SLC13A2: variants seen among roughly 807,000 people sequenced by gnomAD.
The protein encoded by SLC13A2 is Na(+)-coupled citrate transporter.
A neutral mutation model predicts 58.5 loss-of-function variants in SLC13A2; 40 were observed. The observed-to-expected ratio is 0.68, with a 90% CI of 0.53 to 0.89. The LOEUF (loss-of-function observed/expected upper bound fraction) is 0.89. SLC13A2 is among the 40% of genes least tolerant of loss of function. The pLI, the probability that SLC13A2 is intolerant of heterozygous loss-of-function variation, is 0.00. For synonymous variants in SLC13A2, 341 were observed against 331.6 expected (o/e 1.03, Z -0.31); for missense variants, 694 against 772.6 (o/e 0.90, Z 1.21).
intron 1 of SLC13A2, among the ~76,000 whole-genome samples, chr17:28,475,097 T>C (rs782805671): frequency 6.6e-6 from 1 of 152,204 alleles, no homozygotes; most frequent in Non-Finnish European, 1.5e-5. Flanking sequence ...TCCGACAGGC[T>C]GGGGCAAGTG....
chr17:28,477,707 A>T (rs1408004701), intron 1 of SLC13A2, among the ~76,000 whole-genome samples: 1 of 152,230 alleles, frequency 6.6e-6, no homozygotes, highest in Non-Finnish European at 1.5e-5. Flanking sequence ...TGTGCTTGAC[A>T]TTATGCCATG....
At chr17:28,478,235 G>A (rs944994125) in intron 1 of SLC13A2, among the ~76,000 whole-genome samples, 12 of 152,176 alleles carry the variant, frequency 7.9e-5, no homozygotes, top group African/African-American at 2.4e-4. Context: ...CTGGGAGGCC[G>A]GTGGTGCCCC....
In SLC13A2 at chr17:28,495,707, TGCCA is replaced by T. The variant is rs2069127059; in HGVS notation, c.1364_1367del (p.Pro455LeufsTer32). ...AACAAGCTGACCCCACTGCAGAGTG[TGCCA>T]GCTCCAGCCATTGCCATCATCCTCT... On this transcript the variant is annotated frameshift_variant, in exon 10 of 12. Transcript: ENST00000314669. LOFTEE classifies it high-confidence loss of function. 6.2e-7 allele frequency: 1 copy of T among 1,612,434 alleles called. No homozygotes were observed. Among genetic ancestry groups the T allele is most frequent in the African/African-American group, 1.3e-5 (1 of 74,914 alleles).
chr17:28,491,916 G>T (rs920506711), intron 6 of SLC13A2, 64 bp downstream of exon 6: 2 of 1,564,210 alleles, frequency 1.3e-6, no homozygotes, highest in Non-Finnish European at 1.7e-6. Flanking sequence ...GCTTCCAGTT[G>T]GGTGCAGATG....
At chr17:28,476,428 A>G (rs2068672173) in intron 1 of SLC13A2, among the ~76,000 whole-genome samples, 1 of 151,786 alleles carries the variant, frequency 6.6e-6, no homozygotes, top group Non-Finnish European at 1.5e-5. Flanking sequence ...ACAAACAAAA[A>G]AACCCTACAC....
intron 1 of SLC13A2, among the ~76,000 whole-genome samples, chr17:28,483,784 G>A (rs368338382): frequency 6.6e-6 from 1 of 152,224 alleles, no homozygotes; most frequent in Non-Finnish European, 1.5e-5. Flanking sequence ...TTACAGCAGC[G>A]AATGCTTGAT....
Position 28,494,198 on chromosome 17 carries a change from C to A in SLC13A2, c.1186+93C>A. The A allele has an allele frequency of 1.3e-6, 2 of 1,484,288 alleles. No individual in the cohort carries two copies. The highest frequency in any genetic ancestry group is 1.9e-6 in the Non-Finnish European group (2 of 1,069,210). 91.9% of individuals were successfully genotyped at this position (1,484,288 alleles called of 1,614,324 possible). On this transcript the variant is annotated intron_variant, in intron 8 of 11. Transcript: ENST00000314669. This position sits in a 1 kb window ranked among gnomAD's most constrained non-coding sequence, Gnocchi z 4.0. ...TTCCACCACACTTGGCAGGAGTAGG[C>A]AAAGCCCAGAAAGGCTGGAGCGACT...
chr17:28,491,455 C>T lies in SLC13A2; in HGVS notation c.593C>T (p.Pro198Leu). The T allele has an allele frequency of 6.2e-7, 1 of 1,613,694 alleles. No individual in the cohort carries two copies. The highest frequency in any genetic ancestry group is 8.5e-7 in the Non-Finnish European group (1 of 1,180,028). The change falls in exon 5 of 12, where the codon CCT (proline) becomes CTT (leucine). Residue 198 changes from proline (P) to leucine (L), a missense_variant. Coordinates refer to ENST00000314669, the MANE Select transcript of SLC13A2 (RefSeq NM_003984.4). Reference protein sequence around the residue: ...VTKLDNGQALPVTSASSEGRA... With the variant: ...VTKLDNGQALLVTSASSEGRA... The stretch of plus-strand genomic sequence containing the variant: ...TTCCCAGATAATGGGCAGGCCCTCC[C>T]TGTCACGTCTGCCTCTTCGGAGGGG...
At chr17:28,492,995 G>A (rs1200831095) in intron 6 of SLC13A2, among the ~76,000 whole-genome samples, 1 of 152,262 alleles carries the variant, frequency 6.6e-6, no homozygotes, top group Non-Finnish European at 1.5e-5. Flanking sequence ...CACAGTGCCA[G>A]GCACCACAGG....
At position 28,496,576 on chromosome 17, in the gene SLC13A2, G is replaced by C; in HGVS notation, c.1597G>C (p.Val533Leu). The C allele has an allele frequency of 6.2e-7, 1 of 1,613,100 alleles. No homozygotes were observed. The highest frequency in any genetic ancestry group is 8.5e-7 in the Non-Finnish European group (1 of 1,179,458). The change falls in exon 11 of 12, where the codon GTG becomes CTG. Residue 533 changes from valine (V) to leucine (L), a missense_variant. Physicochemically the swap from Val to Leu is conservative, Grantham distance 32. Transcript: ENST00000314669. The surrounding 1 kb of genome is among the most constrained non-coding windows in gnomAD (Gnocchi z 4.2). ...AIVFSFGDLK[V>L]LDMARAGFLL... ...CGTCTTCTCTTTCGGGGACCTCAAAGTGTTGGATATGGTAAGTGGCAGGGA... is the reference window on the plus strand; with the variant it reads ...CGTCTTCTCTTTCGGGGACCTCAAACTGTTGGATATGGTAAGTGGCAGGGA...
chr17:28,474,230 A>G (rs530051685), intron 1 of SLC13A2, among the ~76,000 whole-genome samples: 2 of 152,202 alleles, frequency 1.3e-5, no homozygotes, highest in East Asian at 3.9e-4. Context: ...TGGAAGGAGA[A>G]TAGGAGAAAG....
intron 1 of SLC13A2, among the ~76,000 whole-genome samples, chr17:28,485,713 A>G (rs1555601856): frequency 6.6e-6 from 1 of 152,138 alleles, no homozygotes; most frequent in Non-Finnish European, 1.5e-5. Context: ...CAGGCCAGGC[A>G]CAGTGGCTCA....
rs1470322447 is a variant in SLC13A2, at chr17:28,494,272, G to A, written c.1187-119G>A. ...GACAAAGTTGAGATGTTGCAGAACT[G>A]AGGGTCCCCTCCTGCACGCGTTAAG... On this transcript the variant is annotated intron_variant, in intron 8 of 11. Coordinates refer to ENST00000314669, the MANE Select transcript of SLC13A2 (RefSeq NM_003984.4). The surrounding 1 kb of genome is among the most constrained non-coding windows in gnomAD (Gnocchi z 4.0). The A allele has an allele frequency of 1.3e-6, 2 of 1,573,434 alleles. No homozygotes were observed. The highest frequency in any genetic ancestry group is 2.2e-5 in the East Asian group (1 of 44,594).
chr17:28,490,551 C>G lies in SLC13A2; in HGVS notation c.329C>G (p.Ala110Gly). 1 of 1,610,670 alleles carries G rather than the reference C, an allele frequency of 6.2e-7. No homozygotes were observed. The highest frequency in any genetic ancestry group is 2.2e-5 in the East Asian group (1 of 44,798). ...VEHWNLHKRIALRVLLIVGVR... is the reference protein window; with the variant it reads ...VEHWNLHKRIGLRVLLIVGVR... ...CACTGGAACCTGCATAAACGCATCGCCCTCCGTGTCCTCCTCATCGTTGGG... is the reference window on the plus strand; with the variant it reads ...CACTGGAACCTGCATAAACGCATCGGCCTCCGTGTCCTCCTCATCGTTGGG... Residue 110 changes from alanine (A) to glycine (G), a missense_variant, in exon 3 of 12, where the codon GCC (alanine) becomes GGC (glycine). Transcript: ENST00000314669.
In SLC13A2 at chr17:28,493,102, C is replaced by T. The variant is rs367939794; in HGVS notation, c.879-469C>T. On this transcript the variant is annotated intron_variant, in intron 6 of 11. Transcript: ENST00000314669. Reference sequence around the variant, plus strand: ...ACCCAAGTGGAAAGTTAAATGTCAACACAAGTTAAGTCAGCAGCAGAAGGA... The same window carrying T: ...ACCCAAGTGGAAAGTTAAATGTCAATACAAGTTAAGTCAGCAGCAGAAGGA... Among the ~76,000 whole-genome samples the T allele has an allele frequency of 1.8e-4, 27 of 152,318 alleles. 1 individual carries two copies. The highest frequency in any genetic ancestry group is 6.3e-4 in the African/African-American group (26 of 41,572).
At chr17:28,478,974 C>G (rs879977513) in intron 1 of SLC13A2, among the ~76,000 whole-genome samples, 5 of 152,052 alleles carry the variant, frequency 3.3e-5, no homozygotes, top group African/African-American at 7.2e-5. Context: ...TTCCAACACT[C>G]TGGGAGGTCA....
At position 28,494,337 on chromosome 17, in the gene SLC13A2, G is replaced by A. The variant is rs879982579; in HGVS notation, c.1187-54G>A. On this transcript the variant is annotated intron_variant, in intron 8 of 11. Coordinates refer to ENST00000314669, the MANE Select transcript of SLC13A2 (RefSeq NM_003984.4). This position sits in a 1 kb window ranked among gnomAD's most constrained non-coding sequence, Gnocchi z 4.0. ...CACACAGGGAGCCCGCAAATGGAGA[G>A]GGGAAAGGCCTGTTTGTTCTTTGGT... 3 of 1,614,054 alleles carry A rather than the reference G, an allele frequency of 1.9e-6. No individual in the cohort carries two copies. The highest frequency in any genetic ancestry group is 1.6e-4 in the Middle Eastern group (1 of 6,062).
At chr17:28,483,655 A>T (rs1045561706) in intron 1 of SLC13A2, among the ~76,000 whole-genome samples, 11 of 152,220 alleles carry the variant, frequency 7.2e-5, no homozygotes, top group South Asian at 2.1e-4. Flanking sequence ...AATTTTTTTT[A>T]AAAAAACCTT....
chr17:28,492,910 C>T (rs1275845899), intron 6 of SLC13A2, among the ~76,000 whole-genome samples: 1 of 152,216 alleles, frequency 6.6e-6, no homozygotes, highest in Non-Finnish European at 1.5e-5. Context: ...TTGGAAAAAT[C>T]ACTTGGGCAA....
Sources: gnomAD v4.1 joint callset for allele counts (sites outside exome capture counted in the v4.1 genomes callset) on GRCh38, gnomAD v4.1.1 for gene constraint, Gnocchi (gnomAD v3.1) non-coding constraint, MANE v1.5 for transcripts, NCBI Gene and HGNC (gene_info 2026-07-23, HGNC 2026-07-21) for gene names.